EVPL: variants seen among roughly 807,000 people sequenced by gnomAD.
The protein encoded by EVPL is envoplakin, also known as 210 kDa cornified envelope precursor protein.
EVPL carries 94 observed loss-of-function variants against 129.7 expected under a neutral mutation model. The ratio of observed to expected loss-of-function variants is 0.72; its 90% confidence interval spans 0.61 to 0.86. EVPL has a LOEUF of 0.86. Among genes scored for constraint, EVPL ranks in the 40% least tolerant of loss-of-function variants. The pLI is 0.00. For missense variants in EVPL, 2,625 were observed against 2,721.1 expected (o/e 0.96, Z 0.79); for synonymous variants, 1,172 against 1,191.1 (o/e 0.98, Z 0.33).
chr17:76,007,744 C>T lies in EVPL; in HGVS notation c.5461G>A (p.Gly1821Ser), dbSNP rs577951257. The change falls in exon 22 of 22, where the codon GGT (glycine) becomes AGT (serine). Residue 1821 changes from glycine to serine, a missense_variant. Physicochemically the swap from Gly to Ser is moderately conservative, Grantham distance 56. Around this residue, in one of 4 missense-constraint regions of EVPL, gnomAD observed 1,453 missense variants for 1,511.8 expected, o/e 0.96. Transcript: ENST00000301607. The surrounding 1 kb of genome is among the most constrained non-coding windows in gnomAD (Gnocchi z 8.8). ...CCGGCGATAGGGAAGCTGTCATCAC[C>T]GAGCCCGAGAGAGAAGCTGGGAGAG... ...FFSPSFSLGL[G>S]DDSFPIAGIY... The T allele has an allele frequency of 3.5e-5, 56 of 1,612,964 alleles. No homozygotes were observed. The highest frequency in any genetic ancestry group is 5.3e-5 in the African/African-American group (4 of 74,984).
In EVPL at chr17:76,024,178, C is replaced by A; in HGVS notation, c.99-58G>T. 6.6e-7 allele frequency: 1 copy of A among 1,525,342 alleles called. No individual in the cohort carries two copies. 94.5% of individuals were successfully genotyped at this position (1,525,342 alleles called of 1,614,324 possible). ...TGGAAGAGGCCCCTCTGTGCCCCAT[C>A]CAGGTGGCATCCCCTGCCCTCCCTC... On this transcript the variant is annotated intron_variant, in intron 1 of 21. Transcript: ENST00000301607. The surrounding 1 kb of genome is among the most constrained non-coding windows in gnomAD (Gnocchi z 4.5).
At chr17:76,012,191 C>T in intron 18 of EVPL, 102 bp from the exon 19 acceptor site, 1 of 828,492 alleles carries the variant, frequency 1.2e-6, no homozygotes, top group East Asian at 2.7e-5. Flanking sequence ...GAGCTGCCTC[C>T]CAGGGACAAG....
chr17:76,026,720 CTCTCCTGTCTCCCAG>C lies in EVPL; in HGVS notation c.98+366_98+380del, dbSNP rs2066500504. On this transcript the variant is annotated intron_variant, in intron 1 of 21. Coordinates refer to ENST00000301607, the MANE Select transcript of EVPL (RefSeq NM_001988.4). Reference sequence around the variant, plus strand: ...GCAGAGCTGCAGTCAGGCAGCCAGGCTCTCCTGTCTCCCAGGCTCTCCTGTCTCCCAGGCTCTCCT... The same window carrying C: ...GCAGAGCTGCAGTCAGGCAGCCAGGCGCTCTCCTGTCTCCCAGGCTCTCCT... 4.6e-5 allele frequency among the ~76,000 whole-genome samples: 6 copies of C among 130,208 alleles called. No homozygotes were observed. The South Asian group carries it at 1.4e-3, about 31-fold the overall frequency. The allele number at this position is 130,208 out of a possible 152,430, so 85.4% of individuals were successfully genotyped here.
intron 10 of EVPL, 69 bp from the exon 11 acceptor site, chr17:76,019,129 C>G: frequency 6.9e-7 from 1 of 1,441,478 alleles, no homozygotes; most frequent in Non-Finnish European, 9.1e-7. Flanking sequence ...CCATACCTGT[C>G]CTTCAAAAGG....
In EVPL at chr17:76,012,064, C is replaced by T. The variant is rs778660325; in HGVS notation, c.2399G>A (p.Arg800Gln). Reference sequence around the variant, plus strand: ...GGATGCTGTGGCCCTGTCCCGCTCTCGGCTCTGGATCTCCTGCGTCAGCCT... The same window carrying T: ...GGATGCTGTGGCCCTGTCCCGCTCTTGGCTCTGGATCTCCTGCGTCAGCCT... ...QKRLTQEIQS[R>Q]ERDRATASHL... is the part of the protein sequence containing the mutation. The change falls in exon 19 of 22, where the codon CGA becomes CAA. Residue 800 changes from arginine to glutamine, a missense_variant. This residue lies in a region of EVPL where 1,024 missense variants were observed against 997.5 expected (regional missense o/e 1.03). Transcript: ENST00000301607. 8.7e-6 allele frequency: 14 copies of T among 1,611,556 alleles called. No individual in the cohort carries two copies. The East Asian group carries it at 1.1e-4, about 13-fold the overall frequency.
chr17:76,010,665 A>G (rs1395345890), intron 21 of EVPL, 122 bp from the exon 22 acceptor site: 5 of 1,055,882 alleles, frequency 4.7e-6, no homozygotes, highest in Non-Finnish European at 6.7e-6. Flanking sequence ...TCAGAGGTGG[A>G]GCTGAAGACC....
At chr17:76,012,680 C>A (rs146097591) in intron 18 of EVPL, among the ~76,000 whole-genome samples, 1 of 151,806 alleles carries the variant, frequency 6.6e-6, no homozygotes, top group East Asian at 1.9e-4. Context: ...GCATGCAGGG[C>A]CCACCTGCAC....
intron 14 of EVPL, among the ~76,000 whole-genome samples, chr17:76,016,353 A>G (rs1343492791): frequency 6.6e-6 from 1 of 152,166 alleles, no homozygotes; most frequent in Non-Finnish European, 1.5e-5. Context: ...TCATTCTTTC[A>G]TCAGTTATTC....
chr17:76,019,727 C>A, intron 9 of EVPL, 74 bp from the exon 10 acceptor site: 1 of 1,526,052 alleles, frequency 6.6e-7, no homozygotes. Flanking sequence ...CCAGCTGAAC[C>A]TAAGCCAGCT....
chr17:76,018,278 G>C lies in EVPL; in HGVS notation c.1440-20C>G. ...GCCAGCCTAGAATGAAGAGGAGATT[G>C]AAGAAAGAGGTCCCCACTCTGCCTC... On this transcript the variant is annotated intron_variant, in intron 12 of 21. Transcript: ENST00000301607. The C allele has an allele frequency of 6.6e-7, 1 of 1,526,354 alleles. No homozygotes were observed. The highest frequency in any genetic ancestry group is 8.8e-7 in the Non-Finnish European group (1 of 1,132,870). 94.6% of individuals were successfully genotyped at this position (1,526,354 alleles called of 1,614,324 possible). A position where few individuals can be genotyped will look rare whatever the true frequency, so the allele number is the denominator to read the frequency against.
Position 76,007,576 on chromosome 17 carries a change from A to G in EVPL, c.5629T>C (p.Tyr1877His), listed in dbSNP as rs781499232. 2.5e-5 allele frequency: 40 copies of G among 1,613,934 alleles called. No individual in the cohort carries two copies. The East Asian group carries it at 6.0e-4, about 24-fold the overall frequency. ...GIVDLLSRER[Y>H]SVHKAMERGL... ...CTCTCCATCGCCTTGTGCACAGAGT[A>G]GCGCTCACGGCTGAGCAGGTCCACG... Residue 1877 changes from tyrosine (Y) to histidine (H), a missense_variant, in exon 22 of 22, where the codon TAC becomes CAC. Transcript: ENST00000301607. The surrounding 1 kb of genome is among the most constrained non-coding windows in gnomAD (Gnocchi z 8.8).
chr17:76,010,450 C>A lies in EVPL; in HGVS notation c.2755G>T (p.Ala919Ser). Reference protein sequence around the residue: ...QAGRESEALKAQLEEERKRVA... With the variant: ...QAGRESEALKSQLEEERKRVA... ...CGCTTCCTCTCCTCTTCCAGCTGGG[C>A]CTTCAGGGCCTCTGACTCTCTCCCT... Residue 919 changes from alanine (A) to serine (S), a missense_variant, in exon 22 of 22, where the codon GCC becomes TCC. This residue lies in a region of EVPL where 1,453 missense variants were observed against 1,511.8 expected (regional missense o/e 0.96). Transcript: ENST00000301607. 1 of 1,614,060 alleles carries A rather than the reference C, an allele frequency of 6.2e-7. No individual in the cohort carries two copies. Among genetic ancestry groups the A allele is most frequent in the Non-Finnish European group, 8.5e-7 (1 of 1,180,022 alleles).
Position 76,015,039 on chromosome 17 carries a change from T to G in EVPL, c.2099A>C (p.Glu700Ala). Residue 700 changes from glutamate to alanine, a missense_variant, in exon 17 of 22, where the codon GAG becomes GCG. By Grantham distance (107) the Glu-to-Ala change is moderately radical (BLOSUM62 -1). This residue lies in a region of EVPL where 1,024 missense variants were observed against 997.5 expected (regional missense o/e 1.03). Transcript: ENST00000301607. The part of the protein sequence containing the change: ...LRLHRALKAS[E>A]HACAALQNNF... ...GTTCTGCAGGGCAGCGCATGCGTGC[T>G]CCGAGGCCTTCAGCGCGCGGTGTAG... 6.3e-7 allele frequency: 1 copy of G among 1,591,474 alleles called. No homozygotes were observed. The highest frequency in any genetic ancestry group is 8.5e-7 in the Non-Finnish European group (1 of 1,173,834).
At chr17:76,010,977 G>A (rs1350877053) in intron 21 of EVPL, among the ~76,000 whole-genome samples, 6 of 152,148 alleles carry the variant, frequency 3.9e-5, no homozygotes, top group African/African-American at 9.7e-5. Flanking sequence ...CAGGAGAATC[G>A]CTTGAACCAG....
intron 4 of EVPL, among the ~76,000 whole-genome samples, chr17:76,023,082 A>C (rs1182373705): frequency 1.3e-5 from 2 of 151,916 alleles, no homozygotes; most frequent in African/African-American, 4.8e-5. Context: ...CCCTGGCCCA[A>C]CTGAGCCCTC....
Position 76,009,900 on chromosome 17 carries a change from T to C in EVPL, c.3305A>G (p.Asp1102Gly), listed in dbSNP as rs139261978. Residue 1102 changes from aspartate (D) to glycine (G), a missense_variant, in exon 22 of 22, where the codon GAT becomes GGT. By Grantham distance (94) the Asp-to-Gly change is moderately conservative (BLOSUM62 -1). Around this residue, in one of 4 missense-constraint regions of EVPL, gnomAD observed 1,453 missense variants for 1,511.8 expected, o/e 0.96. Transcript: ENST00000301607. This position sits in a 1 kb window ranked among gnomAD's most constrained non-coding sequence, Gnocchi z 5.9. Reference protein sequence around the residue: ...AQALRLQMEEDAARRKQAEEA... With the variant: ...AQALRLQMEEGAARRKQAEEA... ...CTCCGCCTGCTTCCTCCGCGCAGCA[T>C]CCTCCTCCATCTGCAGCCTCAGAGC... is the stretch of plus-strand genomic sequence containing the variant. 156 of 1,613,990 alleles carry C rather than the reference T, an allele frequency of 9.7e-5. No individual in the cohort carries two copies. The highest frequency in any genetic ancestry group is 4.9e-4 in the Middle Eastern group (3 of 6,084).
chr17:76,009,079 C>T lies in EVPL; in HGVS notation c.4126G>A (p.Val1376Met), dbSNP rs777067468. 1 of 1,613,560 alleles carries T rather than the reference C, an allele frequency of 6.2e-7. No homozygotes were observed. Among genetic ancestry groups the T allele is most frequent in the East Asian group, 2.2e-5 (1 of 44,858 alleles). Residue 1376 changes from valine to methionine, a missense_variant, in exon 22 of 22, where the codon GTG becomes ATG. Physicochemically the swap from Val to Met is conservative, Grantham distance 21. Coordinates refer to ENST00000301607, the MANE Select transcript of EVPL (RefSeq NM_001988.4). This position sits in a 1 kb window ranked among gnomAD's most constrained non-coding sequence, Gnocchi z 5.9. Reference protein sequence around the residue: ...PEEKVVVQEVVVTQKDPKLRE... With the variant: ...PEEKVVVQEVMVTQKDPKLRE... ...AGCTTCGGGTCCTTCTGGGTGACCA[C>T]CACCTCCTGCACCACCACCTTCTCC... is the stretch of plus-strand genomic sequence containing the variant.
chr17:76,011,135 C>A (rs1370835606), intron 21 of EVPL, among the ~76,000 whole-genome samples: 1 of 152,268 alleles, frequency 6.6e-6, no homozygotes, highest in Non-Finnish European at 1.5e-5. Flanking sequence ...TCTCCCTTTT[C>A]CCCTTCCATC....
rs199676175 is a variant in EVPL at position 76,007,098 on chromosome 17, C to T, written c.*5G>A. ...CGCACTTCCCCACTGGCTCCTTGGC[C>T]CGTGTCAGCGAAGGGAGCGCGGGAC... On this transcript the variant is annotated 3_prime_UTR_variant, in exon 22 of 22. Coordinates refer to ENST00000301607, the MANE Select transcript of EVPL (RefSeq NM_001988.4). This position sits in a 1 kb window ranked among gnomAD's most constrained non-coding sequence, Gnocchi z 8.8. 57 of 1,455,200 alleles carry T rather than the reference C, an allele frequency of 3.9e-5. No homozygotes were observed. The African/African-American group carries it at 5.6e-4, about 14-fold the overall frequency. The allele number at this position is 1,455,200 out of a possible 1,614,324, so 90.1% of individuals were successfully genotyped here.
Sources: allele counts gnomAD v4.1 joint callset (sites outside exome capture counted in the v4.1 genomes callset), GRCh38; gene constraint gnomAD v4.1.1; regional missense constraint gnomAD v4.1.1; non-coding constraint Gnocchi (gnomAD v3.1); transcripts MANE v1.5; gene names NCBI Gene and HGNC (gene_info 2026-07-23, HGNC 2026-07-21).